ZNF536: variants seen among roughly 807,000 people sequenced by gnomAD.
The protein encoded by ZNF536 is zinc finger protein 536.
A neutral mutation model predicts 84.5 loss-of-function variants in ZNF536; 13 were observed. That is an observed-to-expected ratio of 0.15 (90% CI 0.10 to 0.24). ZNF536 has a LOEUF of 0.24. Ranked by LOEUF, ZNF536 falls within the 10% of genes least tolerant of loss-of-function variation. The pLI, the probability that ZNF536 is intolerant of heterozygous loss-of-function variation, is 1.00. For synonymous variants in ZNF536, 811 were observed against 742.5 expected (o/e 1.09, Z -1.50); for missense variants, 1,536 against 1,747.5 (o/e 0.88, Z 2.16).
intron 1 of ZNF536, among the ~76,000 whole-genome samples, chr19:30,398,999 T>C (rs1397688705): frequency 6.6e-6 from 1 of 152,226 alleles, no homozygotes; most frequent in Non-Finnish European, 1.5e-5. Context: ...CACACTGTCT[T>C]CCACAATGAT....
chr19:30,539,468 A>G (rs1290182836), intron 3 of ZNF536, among the ~76,000 whole-genome samples: 1 of 152,240 alleles, frequency 6.6e-6, no homozygotes, highest in East Asian at 1.9e-4. Context: ...ACACACCCAG[A>G]AGAATCCTTA....
At chr19:30,606,774 T>A (rs1187765048) in intron 1 of ZNF536, among the ~76,000 whole-genome samples, 1 of 152,182 alleles carries the variant, frequency 6.6e-6, no homozygotes, top group Non-Finnish European at 1.5e-5. Context: ...GCAGGGGCCC[T>A]GTCCAGCTGT....
At chr19:30,662,564 AT>A (rs397958015) in intron 1 of ZNF536, among the ~76,000 whole-genome samples, 96 of 148,770 alleles carry the variant, frequency 6.5e-4, no homozygotes, top group Middle Eastern at 3.4e-3. Context: ...TTGTTTTTTG[AT>A]TTTTTTTTTA....
At chr19:30,622,178 G>A (rs1028412557) in intron 1 of ZNF536, among the ~76,000 whole-genome samples, 6 of 152,236 alleles carry the variant, frequency 3.9e-5, no homozygotes, top group Non-Finnish European at 8.8e-5. Flanking sequence ...TTATTTGGGT[G>A]TTTTGGGCAA....
intron 1 of ZNF536, among the ~76,000 whole-genome samples, chr19:30,405,103 G>A (rs2050211723): frequency 6.6e-6 from 1 of 152,202 alleles, no homozygotes; most frequent in African/African-American, 2.4e-5. Flanking sequence ...GGAACCTCAA[G>A]GCATTCAGCT....
chr19:30,530,331 T>G (rs1259880287), intron 2 of ZNF536, among the ~76,000 whole-genome samples: 3 of 151,306 alleles, frequency 2.0e-5, no homozygotes, highest in South Asian at 4.2e-4. Flanking sequence ...TCTCTGTCTT[T>G]TTGTTGTTGT....
intron 2 of ZNF536, among the ~76,000 whole-genome samples, chr19:30,516,861 C>T (rs897601716): frequency 2.6e-5 from 4 of 152,140 alleles, no homozygotes; most frequent in Admixed American, 6.5e-5. Context: ...TGATGAGAAA[C>T]GCTTGAAAGG....
chr19:30,675,603 GC>G (rs1189831679), intron 1 of ZNF536, among the ~76,000 whole-genome samples: 2 of 152,200 alleles, frequency 1.3e-5, no homozygotes, highest in Non-Finnish European at 2.9e-5. Flanking sequence ...AAGGCTCACA[GC>G]TGCATGCCTT....
rs138028382 is a variant in ZNF536 at position 30,598,261 on chromosome 19, C to A, written c.169+48747C>A. ...CCAGCTCTATCATCTGTGAGAGTAG[C>A]CTCCCCAGGCAACCCAACTTAGCTA... On this transcript the variant is annotated intron_variant, in intron 1 of 1. Transcript: ENST00000592773. 8.2e-3 allele frequency among the ~76,000 whole-genome samples: 1,247 copies of A among 152,300 alleles called. 8 individuals carry two copies. Among genetic ancestry groups the A allele is most frequent in the South Asian group, 0.029 (139 of 4,824 alleles).
chr19:30,558,590 C>G (rs1420237352), downstream of ZNF536, among the ~76,000 whole-genome samples: 1 of 152,208 alleles, frequency 6.6e-6, no homozygotes, highest in Admixed American at 6.5e-5. Flanking sequence ...CCTTTTCGGA[C>G]TGTACTTGTG....
At chr19:30,577,150 A>G (rs1033466634) in intron 1 of ZNF536, among the ~76,000 whole-genome samples, 5 of 152,194 alleles carry the variant, frequency 3.3e-5, no homozygotes, top group African/African-American at 1.2e-4. Context: ...TCATTTTAAT[A>G]CCCCGGCTCT....
chr19:30,644,247 T>G (rs1015945541), intron 1 of ZNF536, among the ~76,000 whole-genome samples: 6 of 152,200 alleles, frequency 3.9e-5, no homozygotes, highest in Admixed American at 3.3e-4. Context: ...TTTTAAAAAT[T>G]TCCTCCTTCC....
chr19:30,315,567 G>A (rs779437266), intron 2 of ZNF536, among the ~76,000 whole-genome samples: 1 of 152,176 alleles, frequency 6.6e-6, no homozygotes, highest in Non-Finnish European at 1.5e-5. Flanking sequence ...GAGGAGGAGG[G>A]GCAGCCTGAA....
intron 2 of ZNF536, among the ~76,000 whole-genome samples, chr19:30,451,334 C>A (rs1009846258): frequency 3.9e-5 from 6 of 152,238 alleles, no homozygotes; most frequent in Admixed American, 6.5e-5. Context: ...TCCCCGGAGC[C>A]GGATGCCTAC....
At chr19:30,271,126 G>T (rs971199925) in intron 1 of ZNF536, among the ~76,000 whole-genome samples, 7 of 152,030 alleles carry the variant, frequency 4.6e-5, no homozygotes, top group Non-Finnish European at 8.8e-5. Flanking sequence ...TCTGGGATAG[G>T]AACTTTACCA....
At chr19:30,503,621 G>A (rs550462449) in intron 2 of ZNF536, among the ~76,000 whole-genome samples, 24 of 152,340 alleles carry the variant, frequency 1.6e-4, no homozygotes, top group Non-Finnish European at 2.8e-4. Context: ...GAGAATTTGA[G>A]GAAGATAAGA....
At chr19:30,330,384 G>T (rs868164870) in intron 2 of ZNF536, among the ~76,000 whole-genome samples, 1 of 152,150 alleles carries the variant, frequency 6.6e-6, no homozygotes, top group Non-Finnish European at 1.5e-5. Context: ...GCATTTTAGG[G>T]CATTTTCACT....
At chr19:30,383,755 TTC>T (rs376856562) in intron 1 of ZNF536, among the ~76,000 whole-genome samples, 63 of 6,402 alleles carry the variant, frequency 9.8e-3, no homozygotes, top group Admixed American at 0.031. Flanking sequence ...CTTTCTTTCT[TTC>T]TCTTTCTTTC....
chr19:30,678,148 G>T (rs565168763), intron 1 of ZNF536, among the ~76,000 whole-genome samples: 1 of 152,344 alleles, frequency 6.6e-6, no homozygotes, highest in East Asian at 1.9e-4. Flanking sequence ...TCAACAACTT[G>T]CAAGAGAAGC....
Sources: allele counts gnomAD v4.1 joint callset (sites outside exome capture counted in the v4.1 genomes callset), GRCh38; gene constraint gnomAD v4.1.1; transcripts MANE v1.5; gene names NCBI Gene and HGNC (gene_info 2026-07-23, HGNC 2026-07-21).